Variants in ST6GALNAC3 observed in about 807,000 individuals in gnomAD.
ST6GALNAC3 encodes ST6 N-acetylgalactosaminide alpha-2,6-sialyltransferase 3, also known as alpha-N-acetylgalactosaminide alpha-2,6-sialyltransferase 3.
Under a neutral mutation model 32.7 loss-of-function variants are expected in ST6GALNAC3, and 25 were observed. That is an observed-to-expected ratio of 0.76 (90% CI 0.56 to 1.07). The LOEUF is 1.07. ST6GALNAC3 is among the 50% of genes least tolerant of loss of function. ST6GALNAC3 has a pLI of 0.00. For synonymous variants in ST6GALNAC3, 129 were observed against 133.1 expected, an observed-to-expected ratio of 0.97 and a Z score of 0.21; for missense variants, 355 against 382.4, an observed-to-expected ratio of 0.93 and a Z score of 0.60.
rs184352418 is a variant in ST6GALNAC3 at position 76,518,835 on chromosome 1, C to T, written c.623+106418C>T. Among the ~76,000 whole-genome samples the T allele has an allele frequency of 6.7e-4, 102 of 152,144 alleles. 2 individuals are homozygous for T. The East Asian group carries it at 0.017, about 26-fold the overall frequency. On this transcript the variant is annotated intron_variant, in intron 3 of 4. Transcript: ENST00000328299. ...ATCCCAGCACTTTGGGAGGCCAAGG[C>T]GGGCGGATTACTGGAGGTCAGAAGT... is the stretch of plus-strand genomic sequence containing the variant.
chr1:76,434,001 G>A (rs1486252007), intron 3 of ST6GALNAC3, among the ~76,000 whole-genome samples: 3 of 152,046 alleles, frequency 2.0e-5, no homozygotes, highest in Non-Finnish European at 4.4e-5. Flanking sequence ...TGCTCTTACT[G>A]ATTACTGCAT....
chr1:76,511,373 G>A (rs1270389389), intron 3 of ST6GALNAC3, among the ~76,000 whole-genome samples: 1 of 152,032 alleles, frequency 6.6e-6, no homozygotes. Flanking sequence ...TCCGCCTCCT[G>A]GCAGGCAGCT....
At chr1:76,129,744 A>G (rs868121070) in intron 1 of ST6GALNAC3, among the ~76,000 whole-genome samples, 3 of 152,280 alleles carry the variant, frequency 2.0e-5, no homozygotes, top group African/African-American at 7.2e-5. Flanking sequence ...CAGGGCAACT[A>G]TGGTGGTACC....
In ST6GALNAC3 at chr1:76,629,932, T is replaced by A. The variant is rs1649204146; in HGVS notation, c.*1126T>A. The stretch of plus-strand genomic sequence containing the variant: ...TTAAACCTGACCAGAGCTTTTTGCC[T>A]TCTAGGGATTTATTTTTCCCATAGT... On this transcript the variant is annotated 3_prime_UTR_variant, in exon 5 of 5. Coordinates refer to ENST00000328299, the MANE Select transcript of ST6GALNAC3 (RefSeq NM_152996.4). 1 of 985,072 alleles carries A rather than the reference T, an allele frequency of 1.0e-6. No individual in the cohort carries two copies. Among genetic ancestry groups the A allele is most frequent in the Non-Finnish European group, 1.2e-6 (1 of 829,802 alleles). The allele number at this position is 985,072 out of a possible 1,614,324, so 61.0% of individuals were successfully genotyped here.
chr1:76,535,620 T>C (rs1439446933), intron 3 of ST6GALNAC3, among the ~76,000 whole-genome samples: 1 of 152,158 alleles, frequency 6.6e-6, no homozygotes, highest in African/African-American at 2.4e-5. Context: ...CACTTAAAAA[T>C]GGAAACAGAA....
intron 2 of ST6GALNAC3, among the ~76,000 whole-genome samples, chr1:76,340,798 G>A (rs1647901964): frequency 6.6e-6 from 1 of 152,014 alleles, no homozygotes; most frequent in African/African-American, 2.4e-5. Flanking sequence ...GGGGATTAGA[G>A]AAGACACCTC....
At chr1:76,486,755 T>A (rs1394587161) in intron 3 of ST6GALNAC3, among the ~76,000 whole-genome samples, 1 of 152,208 alleles carries the variant, frequency 6.6e-6, no homozygotes, top group Non-Finnish European at 1.5e-5. Flanking sequence ...TGTGTGAATT[T>A]GATCCTGTCA....
intron 3 of ST6GALNAC3, among the ~76,000 whole-genome samples, chr1:76,471,462 C>T (rs1157844329): frequency 3.3e-5 from 5 of 152,028 alleles, no homozygotes; most frequent in Admixed American, 1.3e-4. Context: ...TCCCAGTAAG[C>T]GATAAGCTCA....
chr1:76,131,401 G>A (rs1028034515), intron 1 of ST6GALNAC3, among the ~76,000 whole-genome samples: 1 of 152,182 alleles, frequency 6.6e-6, no homozygotes, highest in African/African-American at 2.4e-5. Flanking sequence ...AGGGACCCCT[G>A]AGGGAAGACG....
At chr1:76,623,662 G>C (rs867710586) in intron 3 of ST6GALNAC3, among the ~76,000 whole-genome samples, 2 of 151,964 alleles carry the variant, frequency 1.3e-5, no homozygotes, top group Non-Finnish European at 2.9e-5. Flanking sequence ...TAAGGCATTT[G>C]ATAGTTATCA....
chr1:76,417,627 T>C (rs1314995312), intron 3 of ST6GALNAC3, among the ~76,000 whole-genome samples: 1 of 152,210 alleles, frequency 6.6e-6, no homozygotes, highest in African/African-American at 2.4e-5. Context: ...GATATTCTGC[T>C]TTCCTATGGG....
At chr1:76,331,848 C>G (rs1647192214) in intron 2 of ST6GALNAC3, among the ~76,000 whole-genome samples, 1 of 152,120 alleles carries the variant, frequency 6.6e-6, no homozygotes, top group South Asian at 2.1e-4. Flanking sequence ...CAATAATTAC[C>G]CTACTTGCCA....
intron 1 of ST6GALNAC3, among the ~76,000 whole-genome samples, chr1:76,137,709 G>A: frequency 6.6e-6 from 1 of 152,160 alleles, no homozygotes; most frequent in East Asian, 1.9e-4. Context: ...TAGTTTGTAT[G>A]TATTGCTAGG....
At chr1:76,168,637 A>C (rs1400236750) in intron 1 of ST6GALNAC3, among the ~76,000 whole-genome samples, 1 of 152,186 alleles carries the variant, frequency 6.6e-6, no homozygotes, top group African/African-American at 2.4e-5. Flanking sequence ...TTGCTTTACG[A>C]ATCTGAGTGT....
In ST6GALNAC3 at chr1:76,556,130, G is replaced by C. The variant is rs572253453; in HGVS notation, c.624-71322G>C. 4.6e-5 allele frequency among the ~76,000 whole-genome samples: 7 copies of C among 152,130 alleles called. No homozygotes were observed. In the South Asian group the frequency reaches 1.5e-3, roughly 32 times the overall value. On this transcript the variant is annotated intron_variant, in intron 3 of 4. Transcript: ENST00000328299. Reference sequence around the variant, plus strand: ...CCATACAAATGGAATCATACAGTACGTGGCCTTTTGTGTCCAGCTTCTTTC... The same window carrying C: ...CCATACAAATGGAATCATACAGTACCTGGCCTTTTGTGTCCAGCTTCTTTC...
At chr1:76,598,030 C>T (rs1044202024) in intron 3 of ST6GALNAC3, among the ~76,000 whole-genome samples, 4 of 152,078 alleles carry the variant, frequency 2.6e-5, no homozygotes, top group Admixed American at 2.0e-4. Flanking sequence ...TTCTGCAGGC[C>T]GGGAATACCA....
At chr1:76,329,311 T>C (rs1003574579) in intron 2 of ST6GALNAC3, among the ~76,000 whole-genome samples, 2 of 152,180 alleles carry the variant, frequency 1.3e-5, no homozygotes, top group African/African-American at 4.8e-5. Flanking sequence ...GCCTCCTCTT[T>C]TCAATGCATC....
chr1:76,175,796 A>G (rs1652812911), intron 1 of ST6GALNAC3, among the ~76,000 whole-genome samples: 1 of 152,160 alleles, frequency 6.6e-6, no homozygotes, highest in African/African-American at 2.4e-5. Flanking sequence ...TTTGTCCTAT[A>G]CTATGGCTAC....
chr1:76,594,235 C>A (rs531877088), intron 3 of ST6GALNAC3, among the ~76,000 whole-genome samples: 1 of 152,094 alleles, frequency 6.6e-6, no homozygotes, highest in Non-Finnish European at 1.5e-5. Flanking sequence ...ATATCCAGAA[C>A]TATTTTTTTT....
Sources: gnomAD v4.1 joint callset for allele counts (sites outside exome capture counted in the v4.1 genomes callset) on GRCh38, gnomAD v4.1.1 for gene constraint, MANE v1.5 for transcripts, NCBI Gene and HGNC (gene_info 2026-07-23, HGNC 2026-07-21) for gene names.